XKR9: variants seen among roughly 807,000 people sequenced by gnomAD.
XKR9 encodes the protein XK related 9.
In XKR9, 32 loss-of-function variants were observed where a neutral mutation model predicts 32.0. That is an observed-to-expected ratio of 1.00 (90% confidence interval 0.76 to 1.34). The LOEUF (loss-of-function observed/expected upper bound fraction) is 1.34. XKR9 is among the 40% of genes most tolerant of loss of function. The pLI is 0.00. For missense variants in XKR9, 546 were observed against 429.7 expected (o/e 1.27, Z -2.39); for synonymous variants, 168 against 143.4 (o/e 1.17, Z -1.22).
chr8:70,834,777 A>G, the XKR9 span, among the ~76,000 whole-genome samples: 1 of 152,144 alleles, frequency 6.6e-6, no homozygotes. Context: ...TTTCCATGCT[A>G]TAGTTTAATT....
At chr8:70,799,411 A>C in the XKR9 span, among the ~76,000 whole-genome samples, 5 of 152,038 alleles carry the variant, frequency 3.3e-5, no homozygotes. Context: ...GATCACTGCA[A>C]CCTCCACCAC....
Position 70,733,680 on chromosome 8 carries a change from A to C in XKR9, c.494-116A>C, listed in dbSNP as rs111925508. On this transcript the variant is annotated intron_variant, in intron 4 of 4. Coordinates refer to ENST00000408926, the MANE Select transcript of XKR9 (RefSeq NM_001011720.2). ...CTTCAAAAGATTAGATGAGAAGAGT[A>C]AAGTATGTGACGTGTTTGTGGGTGT... The C allele has an allele frequency of 1.1e-5, 11 of 973,022 alleles. No homozygotes were observed. In the African/African-American group the frequency reaches 1.5e-4, roughly 14 times the overall value. The allele number at this position is 973,022 out of a possible 1,614,324, so 60.3% of individuals were successfully genotyped here. A position where few individuals can be genotyped will look rare whatever the true frequency, so the allele number is the denominator to read the frequency against.
the XKR9 span, among the ~76,000 whole-genome samples, chr8:70,874,572 G>A: frequency 7.4e-4 from 112 of 152,282 alleles, 1 homozygote; most frequent in African/African-American, 2.6e-3. Flanking sequence ...ATTTAAAGGT[G>A]TGAACCATGA....
the XKR9 span, among the ~76,000 whole-genome samples, chr8:71,051,446 G>A: frequency 8.2e-3 from 1,246 of 152,086 alleles, 9 homozygotes; most frequent in Non-Finnish European, 0.012. Flanking sequence ...GATATTTTAG[G>A]AATTGTTCTA....
At chr8:70,801,244 G>A in the XKR9 span, among the ~76,000 whole-genome samples, 1 of 151,968 alleles carries the variant, frequency 6.6e-6, no homozygotes, top group African/African-American at 2.4e-5. Flanking sequence ...GTTCCTCTAG[G>A]TGTGGTGCTG....
the XKR9 span, among the ~76,000 whole-genome samples, chr8:70,882,824 A>G: frequency 1.5e-4 from 23 of 151,978 alleles, no homozygotes; most frequent in African/African-American, 5.5e-4. Context: ...TGTACATTTT[A>G]TGAGTTTTGC....
chr8:70,965,264 T>A, the XKR9 span, among the ~76,000 whole-genome samples: 191 of 152,342 alleles, frequency 1.3e-3, 1 homozygote, highest in Middle Eastern at 6.8e-3. Flanking sequence ...GATTTGTGTA[T>A]GCTGAATCAA....
intron 2 of XKR9, among the ~76,000 whole-genome samples, chr8:70,775,612 T>C (rs762141444): frequency 5.9e-5 from 9 of 152,322 alleles, no homozygotes; most frequent in Non-Finnish European, 1.3e-4. Context: ...TATTTTCAAA[T>C]ATTATACCAA....
chr8:70,693,731 G>C (rs573731952), intron 3 of XKR9, among the ~76,000 whole-genome samples: 2 of 152,318 alleles, frequency 1.3e-5, no homozygotes, highest in East Asian at 1.9e-4. Context: ...GGGGTTTTCT[G>C]TCTGGTGACA....
chr8:70,892,100 A>G, the XKR9 span, among the ~76,000 whole-genome samples: 1 of 152,050 alleles, frequency 6.6e-6, no homozygotes, highest in East Asian at 1.9e-4. Flanking sequence ...TTCCATTTGC[A>G]TGGAATATCT....
At chr8:70,713,273 A>G (rs1366700702) in intron 4 of XKR9, among the ~76,000 whole-genome samples, 1 of 152,100 alleles carries the variant, frequency 6.6e-6, no homozygotes, top group African/African-American at 2.4e-5. Flanking sequence ...TATGAGAGAG[A>G]TATTAAGAGA....
intron 4 of XKR9, among the ~76,000 whole-genome samples, chr8:70,713,625 A>T (rs1805992955): frequency 6.6e-6 from 1 of 152,030 alleles, no homozygotes; most frequent in Admixed American, 6.6e-5. Flanking sequence ...TGAATATTCT[A>T]AATGAATATT....
intron 3 of XKR9, among the ~76,000 whole-genome samples, chr8:70,687,312 C>CTGTTTCTT (rs1554544431): frequency 7.2e-6 from 1 of 138,252 alleles, no homozygotes; most frequent in Non-Finnish European, 1.5e-5. Flanking sequence ...TCTCTCCTCC[C>CTGTTTCTT]TCTTTCTTTC....
intron 4 of XKR9, among the ~76,000 whole-genome samples, chr8:70,712,574 C>T (rs1472812944): frequency 6.6e-6 from 1 of 152,028 alleles, no homozygotes; most frequent in Non-Finnish European, 1.5e-5. Flanking sequence ...AGTAAAGTTA[C>T]CTACCTGACT....
Position 70,733,942 on chromosome 8 carries a change from T to A in XKR9, c.640T>A (p.Leu214Ile). Residue 214 changes from leucine (L) to isoleucine (I), a missense_variant, in exon 5 of 5, where the codon TTA becomes ATA. Transcript: ENST00000408926. ...TCTCTTTTACAAGTTGTTTACATTA[T>A]TATCGTGGATGCTGAGTGTTGTACT... is the stretch of plus-strand genomic sequence containing the variant. ...TYLFYKLFTL[L>I]SWMLSVVLLL... 1 of 1,612,874 alleles carries A rather than the reference T, an allele frequency of 6.2e-7. No individual in the cohort carries two copies. The highest frequency in any genetic ancestry group is 2.2e-5 in the East Asian group (1 of 44,820).
At chr8:71,053,689 G>A in the XKR9 span, among the ~76,000 whole-genome samples, 1 of 152,204 alleles carries the variant, frequency 6.6e-6, no homozygotes, top group African/African-American at 2.4e-5. Flanking sequence ...ACCAGTCAAA[G>A]GACAGAGGTT....
the XKR9 span, among the ~76,000 whole-genome samples, chr8:70,993,565 C>T: frequency 6.6e-6 from 1 of 151,832 alleles, no homozygotes; most frequent in Middle Eastern, 3.4e-3. Flanking sequence ...CATCCTTACT[C>T]TACTAAGGAT....
chr8:71,019,111 G>A, the XKR9 span, among the ~76,000 whole-genome samples: 8 of 152,148 alleles, frequency 5.3e-5, no homozygotes, highest in Admixed American at 1.3e-4. Context: ...TGTGATCCAA[G>A]GGGGAAATAC....
At chr8:70,946,249 T>C in the XKR9 span, among the ~76,000 whole-genome samples, 1 of 152,202 alleles carries the variant, frequency 6.6e-6, no homozygotes, top group Non-Finnish European at 1.5e-5. Flanking sequence ...GCAGACACTA[T>C]AGATATGTGC....
Sources: allele counts gnomAD v4.1 joint callset (sites outside exome capture counted in the v4.1 genomes callset), GRCh38; gene constraint gnomAD v4.1.1; transcripts MANE v1.5; gene names NCBI Gene and HGNC (gene_info 2026-07-23, HGNC 2026-07-21).